Variants in PRKD1 observed in about 807,000 individuals in gnomAD.
PRKD1 encodes serine/threonine-protein kinase D1.
A neutral mutation model predicts 95.9 loss-of-function variants in PRKD1; 63 were observed. The ratio of observed to expected loss-of-function variants is 0.66; its 90% CI spans 0.54 to 0.81. The LOEUF (loss-of-function observed/expected upper bound fraction) is 0.81, where lower values mean the gene tolerates loss of function less well. Among genes scored for constraint, PRKD1 ranks in the 30% least tolerant of loss-of-function variants. PRKD1 has a pLI of 0.00. For synonymous variants in PRKD1, 425 were observed against 423.1 expected, an observed-to-expected ratio of 1.00 and a Z score of -0.05; for missense variants, 1,048 against 1,165.3, an observed-to-expected ratio of 0.90 and a Z score of 1.47.
In PRKD1 at chr14:29,608,391, T is replaced by C. The variant is rs538886410; in HGVS notation, c.1906-8574A>G. 6.4e-4 allele frequency among the ~76,000 whole-genome samples: 97 copies of C among 152,284 alleles called. 1 individual carries two copies. Among genetic ancestry groups the C allele is most frequent in the Non-Finnish European group, 1.3e-3 (86 of 68,016 alleles). ...CCCAACTTACATATTACCATTATAGTTCATTAATATTTTATATTAACATAA... is the reference window on the plus strand; with the variant it reads ...CCCAACTTACATATTACCATTATAGCTCATTAATATTTTATATTAACATAA... On this transcript the variant is annotated intron_variant, in intron 13 of 17. Transcript: ENST00000331968.
intron 16 of PRKD1, among the ~76,000 whole-genome samples, chr14:29,586,367 T>C (rs1951533): frequency 0.27 from 41,558 of 152,022 alleles, 6,371 homozygotes; most frequent in African/African-American, 0.41. Flanking sequence ...ACTGGAGCAA[T>C]GGGCCATGCT....
At chr14:29,638,974 A>G in intron 4 of PRKD1, 70 bp from the exon 5 acceptor site, 1 of 1,187,480 alleles carries the variant, frequency 8.4e-7, no homozygotes, top group Non-Finnish European at 1.2e-6. Context: ...TATATATTTT[A>G]AGATACCGGT....
At chr14:29,709,536 T>C (rs1885245538) in intron 2 of PRKD1, among the ~76,000 whole-genome samples, 1 of 152,114 alleles carries the variant, frequency 6.6e-6, no homozygotes, top group South Asian at 2.1e-4. Flanking sequence ...AATAGATAGA[T>C]ACAGATGCAG....
At chr14:29,661,496 C>A (rs925889683) in intron 4 of PRKD1, among the ~76,000 whole-genome samples, 4 of 152,124 alleles carry the variant, frequency 2.6e-5, no homozygotes, top group Non-Finnish European at 5.9e-5. Context: ...CTTGGTCGAG[C>A]AGGGTGCTTT....
intron 2 of PRKD1, among the ~76,000 whole-genome samples, chr14:29,690,263 A>G (rs1238932557): frequency 6.6e-6 from 1 of 152,118 alleles, no homozygotes; most frequent in African/African-American, 2.4e-5. Flanking sequence ...ATCTGCCACA[A>G]ACTTTAGATT....
At chr14:29,913,852 C>T (rs1288337481) in intron 1 of PRKD1, among the ~76,000 whole-genome samples, 1 of 152,178 alleles carries the variant, frequency 6.6e-6, no homozygotes, top group Non-Finnish European at 1.5e-5. Flanking sequence ...CAGTACTTGA[C>T]TAACAGATAT....
chr14:29,755,497 G>A (rs1247227802), intron 1 of PRKD1, among the ~76,000 whole-genome samples: 1 of 151,956 alleles, frequency 6.6e-6, no homozygotes, highest in African/African-American at 2.4e-5. Flanking sequence ...AAACCCCGGC[G>A]ACACAGAGTG....
intron 10 of PRKD1, 53 bp downstream of exon 10, chr14:29,630,689 A>G (rs1879939745): frequency 6.2e-7 from 1 of 1,606,776 alleles, no homozygotes; most frequent in Non-Finnish European, 8.5e-7. Flanking sequence ...TTTACTAAGC[A>G]AGGGGTAGGC....
intron 2 of PRKD1, among the ~76,000 whole-genome samples, chr14:29,684,995 C>G (rs966850706): frequency 2.0e-5 from 3 of 152,166 alleles, no homozygotes; most frequent in African/African-American, 7.2e-5. Flanking sequence ...CAAAGCTTTA[C>G]TATTATTATT....
chr14:29,724,430 G>A (rs1382220310), intron 2 of PRKD1, among the ~76,000 whole-genome samples: 1 of 152,124 alleles, frequency 6.6e-6, no homozygotes, highest in Non-Finnish European at 1.5e-5. Context: ...CTAGTCCGTA[G>A]TTTTGAGAGG....
intron 1 of PRKD1, among the ~76,000 whole-genome samples, chr14:29,894,230 G>A (rs1273334547): frequency 6.6e-6 from 1 of 152,170 alleles, no homozygotes; most frequent in East Asian, 1.9e-4. Flanking sequence ...GGGAGGAGGC[G>A]GGGGAGTATA....
intron 1 of PRKD1, among the ~76,000 whole-genome samples, chr14:29,914,659 G>C (rs941126562): frequency 2.8e-4 from 43 of 152,136 alleles, no homozygotes; most frequent in Admixed American, 5.2e-4. Flanking sequence ...GCTTGAACCG[G>C]CAGGTGGAGG....
At chr14:29,909,513 T>C (rs1049236448) in intron 1 of PRKD1, among the ~76,000 whole-genome samples, 3 of 152,166 alleles carry the variant, frequency 2.0e-5, no homozygotes, top group Non-Finnish European at 2.9e-5. Context: ...TATGTCTAGC[T>C]AAGGGATTGT....
intron 1 of PRKD1, among the ~76,000 whole-genome samples, chr14:29,849,341 G>A (rs1278205165): frequency 6.6e-6 from 1 of 152,176 alleles, no homozygotes; most frequent in Non-Finnish European, 1.5e-5. Flanking sequence ...TGTACAGCCT[G>A]TGGAACCATG....
At chr14:29,900,347 T>C (rs979053145) in intron 1 of PRKD1, among the ~76,000 whole-genome samples, 1 of 152,178 alleles carries the variant, frequency 6.6e-6, no homozygotes, top group African/African-American at 2.4e-5. Flanking sequence ...ATAGAGTGCA[T>C]AATGAGACCA....
chr14:29,648,908 C>T (rs1359228985), intron 4 of PRKD1, among the ~76,000 whole-genome samples: 1 of 152,132 alleles, frequency 6.6e-6, no homozygotes, highest in East Asian at 1.9e-4. Flanking sequence ...CCCGCCTTGG[C>T]CTCCCAAAGT....
intron 1 of PRKD1, among the ~76,000 whole-genome samples, chr14:29,858,633 T>G (rs1892595228): frequency 3.3e-5 from 5 of 152,144 alleles, no homozygotes. Context: ...CTGGGATTTT[T>G]TTTTTCTTAA....
chr14:29,619,689 G>A (rs184408021), intron 13 of PRKD1, among the ~76,000 whole-genome samples: 96 of 151,422 alleles, frequency 6.3e-4, no homozygotes, highest in African/African-American at 2.2e-3. Context: ...ATTTTAAATA[G>A]GGTGTTAGAG....
chr14:29,682,617 C>T (rs1454167804), intron 2 of PRKD1, among the ~76,000 whole-genome samples: 1 of 152,132 alleles, frequency 6.6e-6, no homozygotes, highest in Non-Finnish European at 1.5e-5. Context: ...AGGAAAGACA[C>T]AGTTTTAGGA....
Sources: allele counts gnomAD v4.1 joint callset (sites outside exome capture counted in the v4.1 genomes callset), GRCh38; gene constraint gnomAD v4.1.1; transcripts MANE v1.5; gene names NCBI Gene and HGNC (gene_info 2026-07-23, HGNC 2026-07-21).